NRG1: variants seen among roughly 807,000 people sequenced by gnomAD.
The protein encoded by NRG1 is pro-neuregulin-1, membrane-bound isoform.
NRG1 carries 18 observed loss-of-function variants against 63.8 expected under a neutral mutation model. That is an observed-to-expected ratio of 0.28 (90% confidence interval 0.19 to 0.42). NRG1 has a LOEUF of 0.42. Ranked by LOEUF, NRG1 falls within the 10% of genes least tolerant of loss-of-function variation. The pLI, the probability that NRG1 is intolerant of heterozygous loss-of-function variation, is 1.00. For missense variants in NRG1, 762 were observed against 814.7 expected, an observed-to-expected ratio of 0.94 and a Z score of 0.79; for synonymous variants, 302 against 301.3, an observed-to-expected ratio of 1.00 and a Z score of -0.02.
chr8:31,700,737 A>G (rs554051646), intron 1 of NRG1, among the ~76,000 whole-genome samples: 28 of 152,136 alleles, frequency 1.8e-4, no homozygotes, highest in Admixed American at 1.8e-3. Context: ...ATGGTTTCCT[A>G]TGCCCTCCCT....
At chr8:32,227,465 G>T (rs1225127707) in intron 1 of NRG1, among the ~76,000 whole-genome samples, 4 of 152,082 alleles carry the variant, frequency 2.6e-5, no homozygotes, top group African/African-American at 9.7e-5. Flanking sequence ...AGAAAAAACT[G>T]TCCTATTTTT....
chr8:32,704,678 T>C (rs1194104989), intron 5 of NRG1, among the ~76,000 whole-genome samples: 1 of 152,216 alleles, frequency 6.6e-6, no homozygotes, highest in African/African-American at 2.4e-5. Flanking sequence ...ATCTCATTAT[T>C]TCATACTTTA....
At chr8:32,372,288 C>T (rs187714992) in intron 1 of NRG1, among the ~76,000 whole-genome samples, 193 of 152,044 alleles carry the variant, frequency 1.3e-3, no homozygotes, top group Non-Finnish European at 2.1e-3. Flanking sequence ...GTGTGCCCAG[C>T]GCTGTTTACT....
intron 1 of NRG1, among the ~76,000 whole-genome samples, chr8:32,352,863 A>G (rs1805789769): frequency 6.6e-6 from 1 of 151,418 alleles, no homozygotes; most frequent in African/African-American, 2.4e-5. Context: ...GGGTGACAGA[A>G]TGGGACCTTG....
intron 1 of NRG1, among the ~76,000 whole-genome samples, chr8:32,146,831 T>C (rs1836919289): frequency 6.6e-6 from 1 of 152,106 alleles, no homozygotes; most frequent in South Asian, 2.1e-4. Flanking sequence ...TATTAATTGG[T>C]GTAAGCTCTT....
chr8:31,909,401 C>G (rs938750041), intron 1 of NRG1, among the ~76,000 whole-genome samples: 1 of 151,966 alleles, frequency 6.6e-6, no homozygotes, highest in Non-Finnish European at 1.5e-5. Context: ...TGACCAGACC[C>G]CTGGCTTAAT....
chr8:32,763,301 G>T, intron 11 of NRG1: 1 of 1,613,990 alleles, frequency 6.2e-7, no homozygotes. Flanking sequence ...ACTCATCTTA[G>T]ATCTTCTTCC....
At chr8:32,456,889 T>C (rs1299160572) in intron 1 of NRG1, among the ~76,000 whole-genome samples, 3 of 152,154 alleles carry the variant, frequency 2.0e-5, no homozygotes, top group Non-Finnish European at 4.4e-5. Flanking sequence ...CCCAGCACTT[T>C]GGGAGGCCGA....
intron 1 of NRG1, among the ~76,000 whole-genome samples, chr8:31,651,141 G>A (rs1332169608): frequency 6.6e-6 from 1 of 152,190 alleles, no homozygotes; most frequent in Non-Finnish European, 1.5e-5. Context: ...AGGAGAAAGA[G>A]AGCTGAATGA....
intron 1 of NRG1, among the ~76,000 whole-genome samples, chr8:31,852,071 G>A (rs1269844360): frequency 6.6e-6 from 1 of 150,758 alleles, no homozygotes; most frequent in African/African-American, 2.4e-5. Context: ...ATAAACATAC[G>A]TGTGCATGTG....
At chr8:32,546,873 T>C (rs1833127014), upstream of NRG1, among the ~76,000 whole-genome samples, 1 of 152,172 alleles carries the variant, frequency 6.6e-6, no homozygotes, top group South Asian at 2.1e-4. Context: ...TCCCTTCCCA[T>C]CTACATATCA....
intron 1 of NRG1, among the ~76,000 whole-genome samples, chr8:32,010,457 T>G (rs1026374780): frequency 6.6e-6 from 1 of 152,048 alleles, no homozygotes; most frequent in African/African-American, 2.4e-5. Flanking sequence ...AAAACTACAG[T>G]ATACAGTTCC....
intron 1 of NRG1, among the ~76,000 whole-genome samples, chr8:32,083,584 C>T (rs541510878): frequency 8.6e-4 from 131 of 152,250 alleles, no homozygotes; most frequent in African/African-American, 3.0e-3. Context: ...AGGATTCCAG[C>T]TCCTTCATAG....
chr8:31,810,050 G>A (rs1219215486), intron 1 of NRG1, among the ~76,000 whole-genome samples: 1 of 151,958 alleles, frequency 6.6e-6, no homozygotes, highest in Admixed American at 6.6e-5. Flanking sequence ...CCTTCACCCT[G>A]TAGCTCATGC....
intron 1 of NRG1, among the ~76,000 whole-genome samples, chr8:32,431,412 C>A (rs1818135156): frequency 6.6e-6 from 1 of 152,120 alleles, no homozygotes; most frequent in South Asian, 2.1e-4. Flanking sequence ...TGGTCCAGCA[C>A]TTATTCTCAG....
chr8:32,513,959 C>G (rs73579869), intron 1 of NRG1, among the ~76,000 whole-genome samples: 21 of 152,080 alleles, frequency 1.4e-4, no homozygotes, highest in Non-Finnish European at 2.4e-4. Context: ...TTTTAATGCT[C>G]AAGGCCCAAT....
intron 1 of NRG1, among the ~76,000 whole-genome samples, chr8:32,180,530 G>T (rs557989169): frequency 2.0e-5 from 3 of 152,064 alleles, no homozygotes; most frequent in Admixed American, 1.3e-4. Context: ...TACTAACAGG[G>T]CTAATAACTT....
At chr8:31,920,762 A>C (rs775905204) in intron 1 of NRG1, among the ~76,000 whole-genome samples, 19 of 152,088 alleles carry the variant, frequency 1.2e-4, no homozygotes, top group Non-Finnish European at 2.5e-4. Flanking sequence ...AGGATACTCT[A>C]AGATAATGCA....
intron 1 of NRG1, among the ~76,000 whole-genome samples, chr8:31,648,331 A>G (rs904142656): frequency 2.6e-5 from 4 of 151,294 alleles, no homozygotes; most frequent in African/African-American, 9.7e-5. Flanking sequence ...ACGGGGTTTC[A>G]CCGTGTTAGC....
Sources: gnomAD v4.1 joint callset for allele counts (sites outside exome capture counted in the v4.1 genomes callset) on GRCh38, gnomAD v4.1.1 for gene constraint, MANE v1.5 for transcripts, NCBI Gene and HGNC (gene_info 2026-07-23, HGNC 2026-07-21) for gene names.